TBXAS1: variants seen among roughly 807,000 people sequenced by gnomAD.
TBXAS1 encodes the protein thromboxane A synthase 1.
In TBXAS1, 48 loss-of-function variants were observed where a neutral mutation model predicts 60.7. That is an observed-to-expected ratio of 0.79 (90% CI 0.63 to 1.01). The LOEUF (loss-of-function observed/expected upper bound fraction) is 1.01. Among genes scored for constraint, TBXAS1 ranks in the 50% least tolerant of loss-of-function variants. The probability of loss-of-function intolerance (pLI) is 0.00; values close to 1 mark genes in which losing one functional copy is unlikely to be tolerated. For synonymous variants in TBXAS1, 287 were observed against 269.7 expected, an observed-to-expected ratio of 1.06 and a Z score of -0.63; for missense variants, 685 against 686.3, an observed-to-expected ratio of 1.00 and a Z score of 0.02.
At chr7:139,863,689 ATAACT>A (rs1002681735) in intron 1 of TBXAS1, among the ~76,000 whole-genome samples, 2 of 152,222 alleles carry the variant, frequency 1.3e-5, no homozygotes, top group Admixed American at 6.5e-5. Flanking sequence ...AACTAAACTA[ATAACT>A]TAAGAAGTTA....
At chr7:139,921,544 A>G (rs1490940863) in intron 4 of TBXAS1, among the ~76,000 whole-genome samples, 2 of 152,062 alleles carry the variant, frequency 1.3e-5, no homozygotes, top group African/African-American at 2.4e-5. Context: ...TACAAAAAAA[A>G]ATTTTTAAAT....
intron 1 of TBXAS1, among the ~76,000 whole-genome samples, chr7:139,866,815 G>T (rs559971797): frequency 1.6e-4 from 25 of 151,882 alleles, no homozygotes; most frequent in Middle Eastern, 6.8e-3. Flanking sequence ...GAATGTAATA[G>T]CAAACATATA....
At chr7:139,871,069 A>T (rs944190145) in intron 1 of TBXAS1, among the ~76,000 whole-genome samples, 1 of 152,186 alleles carries the variant, frequency 6.6e-6, no homozygotes, top group Non-Finnish European at 1.5e-5. Flanking sequence ...TGACAGAAAT[A>T]AATAAAGAAA....
At chr7:139,878,690 C>T (rs1399777979) in intron 3 of TBXAS1, among the ~76,000 whole-genome samples, 1 of 152,232 alleles carries the variant, frequency 6.6e-6, no homozygotes, top group African/African-American at 2.4e-5. Context: ...TAGTTTCACT[C>T]ATTGGGAATG....
At chr7:139,895,277 C>T (rs889389765) in intron 3 of TBXAS1, among the ~76,000 whole-genome samples, 1 of 151,848 alleles carries the variant, frequency 6.6e-6, no homozygotes, top group Non-Finnish European at 1.5e-5. Flanking sequence ...GGCCAGTCAT[C>T]ATCACACACT....
chr7:140,009,706 C>G, intron 10 of TBXAS1, among the ~76,000 whole-genome samples: 1 of 97,398 alleles, frequency 1.0e-5, no homozygotes, highest in African/African-American at 4.1e-5. Flanking sequence ...GCCCCACACC[C>G]GCTCCACACC....
chr7:139,878,316 C>T (rs1802419684), intron 3 of TBXAS1, among the ~76,000 whole-genome samples: 1 of 151,946 alleles, frequency 6.6e-6, no homozygotes, highest in South Asian at 2.1e-4. Context: ...CTTTTTCCTC[C>T]AACTTTAACT....
chr7:140,007,531 G>A (rs954960536), intron 10 of TBXAS1, among the ~76,000 whole-genome samples: 1 of 152,058 alleles, frequency 6.6e-6, no homozygotes, highest in Admixed American at 6.6e-5. Context: ...ATTGTTTATT[G>A]AGCATCTACT....
Position 139,955,467 on chromosome 7 carries a change from G to A in TBXAS1, c.548G>A (p.Cys183Tyr). ...GDAFDIQRCY[C>Y]NYTTDVVASV... is the part of the protein sequence containing the mutation. ...GCTCCCATCTCCCGTAGGTGCTACTGCAATTACACCACAGATGTGGTTGCC... is the reference window on the plus strand; with the variant it reads ...GCTCCCATCTCCCGTAGGTGCTACTACAATTACACCACAGATGTGGTTGCC... The change falls in exon 7 of 13, where the codon TGC becomes TAC. Residue 183 changes from cysteine (C) to tyrosine (Y), a missense_variant. Physicochemically the swap from Cys to Tyr is radical, Grantham distance 194 (BLOSUM62 -2). Coordinates refer to ENST00000448866, the MANE Select transcript of TBXAS1 (RefSeq NM_001061.7). The A allele has an allele frequency of 1.2e-6, 2 of 1,614,176 alleles. No individual in the cohort carries two copies. Among genetic ancestry groups the A allele is most frequent in the Non-Finnish European group, 1.7e-6 (2 of 1,180,040 alleles).
Position 140,007,001 on chromosome 7 carries a change from G to T in TBXAS1, c.1135-90G>T, listed in dbSNP as rs77707908. 2.2e-3 allele frequency: 2,852 copies of T among 1,273,210 alleles called. 57 individuals carry two copies. In the African/African-American group the frequency reaches 0.036, roughly 16 times the overall value. 78.9% of individuals were successfully genotyped at this position (1,273,210 alleles called of 1,614,324 possible). On this transcript the variant is annotated intron_variant, in intron 9 of 12. Transcript: ENST00000448866. ...TTCTGTTTAAATGTTTGCCAAAGTT[G>T]GAAACGAGATTGAAATTTAAGGAAA... is the stretch of plus-strand genomic sequence containing the variant.
intron 3 of TBXAS1, among the ~76,000 whole-genome samples, chr7:139,889,842 CAT>C (rs1218505391): frequency 6.6e-6 from 1 of 152,208 alleles, no homozygotes; most frequent in Admixed American, 6.5e-5. Flanking sequence ...AAGATTTCAA[CAT>C]ATGAATCTGT....
chr7:139,816,933 G>A (rs760687801), intron 4 of TBXAS1, among the ~76,000 whole-genome samples: 9 of 152,140 alleles, frequency 5.9e-5, no homozygotes, highest in African/African-American at 9.7e-5. Flanking sequence ...TGTGAGCTGC[G>A]TAGACAAGAG....
intron 10 of TBXAS1, among the ~76,000 whole-genome samples, chr7:140,015,270 G>C (rs1814935410): frequency 6.6e-6 from 1 of 152,106 alleles, no homozygotes; most frequent in African/African-American, 2.4e-5. Context: ...GAAATGGGAG[G>C]AGAGGGAGCG....
At chr7:139,786,875 T>A (rs1006100266) in intron 3 of TBXAS1, among the ~76,000 whole-genome samples, 15 of 152,248 alleles carry the variant, frequency 9.9e-5, no homozygotes, top group African/African-American at 3.6e-4. Context: ...TTCAGCCATA[T>A]CCTAGTAGGA....
intron 9 of TBXAS1, among the ~76,000 whole-genome samples, chr7:139,964,753 C>T (rs1810649131): frequency 6.6e-6 from 1 of 152,204 alleles, no homozygotes; most frequent in African/African-American, 2.4e-5. Flanking sequence ...GTCTATGAAA[C>T]AATATTTTCC....
intron 1 of TBXAS1, among the ~76,000 whole-genome samples, chr7:139,865,358 A>G (rs1801274468): frequency 6.6e-6 from 1 of 152,206 alleles, no homozygotes. Flanking sequence ...TGGAATTTAC[A>G]GTCAACTAAC....
chr7:139,967,783 A>T (rs1810900803), intron 9 of TBXAS1, among the ~76,000 whole-genome samples: 1 of 152,206 alleles, frequency 6.6e-6, no homozygotes, highest in African/African-American at 2.4e-5. Context: ...GCCAGGAAAC[A>T]GTGTGTTTGC....
intron 3 of TBXAS1, among the ~76,000 whole-genome samples, chr7:139,910,412 G>A (rs1000060496): frequency 1.9e-4 from 29 of 152,150 alleles, no homozygotes; most frequent in East Asian, 1.2e-3. Flanking sequence ...CGAGGTGGGC[G>A]GATCACTTGA....
chr7:139,923,632 T>A (rs1039138157), intron 4 of TBXAS1, among the ~76,000 whole-genome samples: 16 of 152,076 alleles, frequency 1.1e-4, no homozygotes, highest in Non-Finnish European at 1.6e-4. Context: ...ACAATCCAAT[T>A]ATAATCATTT....
Sources: gnomAD v4.1 joint callset for allele counts (sites outside exome capture counted in the v4.1 genomes callset) on GRCh38, gnomAD v4.1.1 for gene constraint, MANE v1.5 for transcripts, NCBI Gene and HGNC (gene_info 2026-07-23, HGNC 2026-07-21) for gene names.